TG: variants seen among roughly 807,000 people sequenced by gnomAD.
The protein encoded by TG is thyroid hormones.
In TG, 270 loss-of-function variants were observed where a neutral mutation model predicts 324.7. That is an observed-to-expected ratio of 0.83 (90% CI 0.75 to 0.92). The LOEUF is 0.92. Ranked by LOEUF, TG falls within the 40% of genes least tolerant of loss-of-function variation. The probability of loss-of-function intolerance (pLI) is 0.00; values close to 1 mark genes in which losing one functional copy is unlikely to be tolerated. For synonymous variants in TG, 1,401 were observed against 1,327.0 expected, an observed-to-expected ratio of 1.06 and a Z score of -1.21; for missense variants, 3,591 against 3,456.4, an observed-to-expected ratio of 1.04 and a Z score of -0.98.
chr8:132,938,211 T>G (rs905533918), intron 25 of TG, among the ~76,000 whole-genome samples: 1 of 152,196 alleles, frequency 6.6e-6, no homozygotes, highest in Non-Finnish European at 1.5e-5. Context: ...ATCATGTCCA[T>G]TCCCATCTCT....
chr8:132,906,420 C>T (rs780901825), intron 16 of TG, among the ~76,000 whole-genome samples: 3 of 152,008 alleles, frequency 2.0e-5, no homozygotes, highest in African/African-American at 7.2e-5. Flanking sequence ...AGAAGAAGCT[C>T]GAGTGCCTGA....
chr8:133,113,742 C>A, intron 44 of TG, 139 bp downstream of exon 44: 2 of 1,015,076 alleles, frequency 2.0e-6, no homozygotes, highest in South Asian at 1.5e-5. Context: ...ATTCAGCCTA[C>A]AGCATGGGGA....
At chr8:133,056,834 C>A (rs1313515648) in intron 41 of TG, among the ~76,000 whole-genome samples, 2 of 152,104 alleles carry the variant, frequency 1.3e-5, no homozygotes, top group Admixed American at 6.5e-5. Flanking sequence ...AGTGCAGGGG[C>A]AGGACTAAAA....
At chr8:132,944,145 C>T (rs1043443120) in intron 26 of TG, among the ~76,000 whole-genome samples, 2 of 152,228 alleles carry the variant, frequency 1.3e-5, no homozygotes, top group African/African-American at 4.8e-5. Context: ...TGGGATCATG[C>T]TGAATGCCCC....
intron 41 of TG, chr8:133,050,715 C>T: frequency 2.6e-6 from 2 of 776,806 alleles, no homozygotes; most frequent in Non-Finnish European, 4.6e-6. Context: ...GACCAGGACT[C>T]ATGTGGAACT....
chr8:133,045,200 A>T, intron 41 of TG: 1 of 1,457,662 alleles, frequency 6.9e-7, no homozygotes, highest in Non-Finnish European at 9.5e-7. Context: ...CCACTGAGGC[A>T]GGGAGACCTG....
At chr8:132,949,001 C>A in intron 27 of TG, 58 bp downstream of exon 27, 1 of 1,518,574 alleles carries the variant, frequency 6.6e-7, no homozygotes, top group Non-Finnish European at 9.1e-7. Flanking sequence ...CGAGCAAGGC[C>A]CTCTGCTACT....
In TG at chr8:132,935,855, T is replaced by A. The variant is rs1346816972; in HGVS notation, c.5032T>A (p.Leu1678Met). ...TGGTCAAGATTCTCCAGCTGTGTAT[T>A]TGAAAAAGGGTAGGTTGGTCAGGCT... ...SHGQDSPAVY[L>M]KKGQGSTTTL... is the part of the protein sequence containing the mutation. The change falls in exon 25 of 48, where the codon TTG becomes ATG. Residue 1678 changes from leucine (L) to methionine (M), a missense_variant. Leu to Met is a conservative substitution (Grantham distance 15, BLOSUM62 2). Coordinates refer to ENST00000220616, the MANE Select transcript of TG (RefSeq NM_003235.5). 1 of 1,612,312 alleles carries A rather than the reference T, an allele frequency of 6.2e-7. No individual in the cohort carries two copies.
Position 132,969,478 on chromosome 8 carries a change from A to C in TG, c.5884A>C (p.Lys1962Gln). 6.2e-7 allele frequency: 1 copy of C among 1,613,470 alleles called. No individual in the cohort carries two copies. ...TGAAGTTATACTGGAAGATAAAGTG[A>C]AGAACTTTTACACTCGCCTGCCGTT... ...RKKVILEDKV[K>Q]NFYTRLPFQK... Residue 1962 changes from lysine to glutamine, a missense_variant, in exon 32 of 48, where the codon AAG becomes CAG. Transcript: ENST00000220616.
At chr8:132,872,320 T>C (rs1202716281) in intron 4 of TG, among the ~76,000 whole-genome samples, 2 of 150,712 alleles carry the variant, frequency 1.3e-5, no homozygotes, top group African/African-American at 2.4e-5. Context: ...CTACTAAAAA[T>C]ACAAAAAATT....
At chr8:133,023,695 G>A (rs1014485529) in intron 40 of TG, among the ~76,000 whole-genome samples, 1 of 152,192 alleles carries the variant, frequency 6.6e-6, no homozygotes, top group African/African-American at 2.4e-5. Flanking sequence ...AGGAGCCTGG[G>A]CCTGGGGAAC....
intron 11 of TG, among the ~76,000 whole-genome samples, chr8:132,896,167 C>T (rs762275202): frequency 2.0e-5 from 3 of 152,232 alleles, no homozygotes; most frequent in Admixed American, 1.3e-4. Flanking sequence ...TCACAGTTGT[C>T]TTGTTAGGTG....
At chr8:133,073,480 G>A (rs536784368) in intron 41 of TG, among the ~76,000 whole-genome samples, 17 of 151,938 alleles carry the variant, frequency 1.1e-4, no homozygotes, top group East Asian at 3.9e-4. Flanking sequence ...ATCCTGTCTC[G>A]CCTCCCGAGT....
intron 43 of TG, 22 bp downstream of exon 43, chr8:133,096,395 G>A: frequency 6.2e-7 from 1 of 1,614,000 alleles, no homozygotes; most frequent in Non-Finnish European, 8.5e-7. Context: ...GGGGGCCTCG[G>A]ATGTCTCCAG....
chr8:132,919,445 A>T lies in TG; in HGVS notation c.4448A>T (p.Glu1483Val). 1 of 1,614,192 alleles carries T rather than the reference A, an allele frequency of 6.2e-7. No individual in the cohort carries two copies. The highest frequency in any genetic ancestry group is 8.5e-7 in the Non-Finnish European group (1 of 1,180,018). ...CCTTGTCCTGTTGGATTCTACCAAG[A>T]ACAGGCAGGGAGCTTGGCCTGTGTC... The part of the protein sequence containing the change: ...CIPCPVGFYQ[E>V]QAGSLACVPC... The change falls in exon 21 of 48, where the codon GAA becomes GTA. Residue 1483 changes from glutamate (E) to valine (V), a missense_variant. By Grantham distance (121) the Glu-to-Val change is moderately radical. Transcript: ENST00000220616.
At chr8:133,115,150 G>T (rs1399419739) in intron 44 of TG, among the ~76,000 whole-genome samples, 1 of 152,118 alleles carries the variant, frequency 6.6e-6, no homozygotes, top group Non-Finnish European at 1.5e-5. Context: ...CCTTAATTTT[G>T]CCTTATCTGA....
intron 23 of TG, among the ~76,000 whole-genome samples, chr8:132,929,789 C>A (rs928009461): frequency 5.9e-5 from 9 of 152,108 alleles, no homozygotes; most frequent in Admixed American, 5.2e-4. Context: ...TACAATTCAT[C>A]CATGTAACTC....
intron 37 of TG, among the ~76,000 whole-genome samples, chr8:133,016,533 C>G (rs550220932): frequency 2.4e-4 from 37 of 152,326 alleles, no homozygotes; most frequent in Non-Finnish European, 3.7e-4. Flanking sequence ...GCCTCCTCTC[C>G]CCACTGTCTT....
intron 35 of TG, among the ~76,000 whole-genome samples, chr8:133,007,889 A>G (rs1007537796): frequency 6.6e-6 from 1 of 151,976 alleles, no homozygotes; most frequent in South Asian, 2.1e-4. Flanking sequence ...ACTCAGGGTC[A>G]GTAAAGGGGA....
Sources: allele counts gnomAD v4.1 joint callset (sites outside exome capture counted in the v4.1 genomes callset), GRCh38; gene constraint gnomAD v4.1.1; transcripts MANE v1.5; gene names NCBI Gene and HGNC (gene_info 2026-07-23, HGNC 2026-07-21).